EML5: variants seen among roughly 807,000 people sequenced by gnomAD.
EML5 encodes echinoderm microtubule-associated protein-like 5.
Under a neutral mutation model 250.0 loss-of-function variants are expected in EML5, and 120 were observed. The ratio of observed to expected loss-of-function variants is 0.48; its 90% CI spans 0.41 to 0.56. The LOEUF is 0.56. Among genes scored for constraint, EML5 ranks in the 20% least tolerant of loss-of-function variants. The probability of loss-of-function intolerance (pLI) is 0.00; values close to 1 mark genes in which losing one functional copy is unlikely to be tolerated. For missense variants in EML5, 2,006 were observed against 2,437.6 expected (o/e 0.82, Z 3.73); for synonymous variants, 771 against 806.5 (o/e 0.96, Z 0.75).
chr14:88,638,497 T>C (rs1181845871), intron 32 of EML5, among the ~76,000 whole-genome samples: 2 of 152,212 alleles, frequency 1.3e-5, no homozygotes, highest in African/African-American at 4.8e-5. Context: ...TCTTTTCTGC[T>C]TTATATGCTA....
At chr14:88,676,957 T>A (rs558098514) in intron 21 of EML5, among the ~76,000 whole-genome samples, 11 of 152,334 alleles carry the variant, frequency 7.2e-5, no homozygotes, top group African/African-American at 2.4e-4. Context: ...CAGACTGACG[T>A]GCAGTGGCAC....
At position 88,657,512 on chromosome 14, in the gene EML5, A is replaced by G. The variant is rs746422552; in HGVS notation, c.3878-10T>C. 1.3e-6 allele frequency: 2 copies of G among 1,586,742 alleles called. No individual in the cohort carries two copies. Among genetic ancestry groups the G allele is most frequent in the South Asian group, 2.4e-5 (2 of 84,838 alleles). ...ACATCACTGTCATAGCCTACAATAA[A>G]AATATACGAGTAATTCTTTAAGCAA... On this transcript the variant is annotated splice_polypyrimidine_tract_variant and intron_variant, in intron 26 of 43. Transcript: ENST00000554922.
intron 16 of EML5, among the ~76,000 whole-genome samples, chr14:88,695,139 C>T (rs1282508392): frequency 1.3e-5 from 2 of 151,796 alleles, no homozygotes; most frequent in African/African-American, 4.8e-5. Flanking sequence ...ATATCCAATG[C>T]CATATTATAG....
chr14:88,712,579 T>C, intron 9 of EML5, 96 bp from the exon 10 acceptor site: 1 of 932,648 alleles, frequency 1.1e-6, no homozygotes, highest in South Asian at 2.1e-5. Context: ...CAAAATTTAA[T>C]GTATCTTCCC....
At chr14:88,789,943 A>G (rs2094589074) in intron 1 of EML5, among the ~76,000 whole-genome samples, 1 of 152,250 alleles carries the variant, frequency 6.6e-6, no homozygotes, top group Admixed American at 6.5e-5. Flanking sequence ...CTGACTTTTT[A>G]TTACTAAAGC....
chr14:88,682,600 G>A (rs1031227470), intron 20 of EML5, among the ~76,000 whole-genome samples: 1 of 152,032 alleles, frequency 6.6e-6, no homozygotes, highest in Non-Finnish European at 1.5e-5. Context: ...ATGCAACCAA[G>A]AACACTAGGC....
At chr14:88,716,923 TTTTTTAAAACATTCTGAATTAAG>T (rs562215000) in intron 8 of EML5, among the ~76,000 whole-genome samples, 4 of 152,330 alleles carry the variant, frequency 2.6e-5, no homozygotes, top group Admixed American at 1.3e-4. Context: ...AATTTGTTAA[TTTTTTAAAACATTCTGAATTAAG>T]TCTCTGGGAG....
At chr14:88,702,346 C>T in intron 14 of EML5, 100 bp downstream of exon 14, 1 of 862,050 alleles carries the variant, frequency 1.2e-6, no homozygotes, top group Middle Eastern at 2.8e-4. Flanking sequence ...GAATTCTTTA[C>T]TCTTCATATC....
chr14:88,644,529 G>T lies in EML5; in HGVS notation c.4029-18C>A. On this transcript the variant is annotated intron_variant, in intron 29 of 43. Transcript: ENST00000554922. ...CTGGAGGCCTGCAACAGAGAAGTGG[G>T]GAGGAGGAAAGGCATGCAGCACTCA... 6.2e-7 allele frequency: 1 copy of T among 1,612,898 alleles called. No individual in the cohort carries two copies. Among genetic ancestry groups the T allele is most frequent in the East Asian group, 2.2e-5 (1 of 44,800 alleles).
intron 6 of EML5, among the ~76,000 whole-genome samples, chr14:88,738,115 T>G (rs952130985): frequency 3.9e-5 from 6 of 152,148 alleles, no homozygotes; most frequent in Non-Finnish European, 7.4e-5. Flanking sequence ...TCAAATTATT[T>G]TGTAAGCTTT....
rs1192604617 is a variant in EML5, at chr14:88,614,491, T to C, written c.*1327A>G. The C allele has an allele frequency of 6.6e-6, 1 of 152,222 alleles. No individual in the cohort carries two copies. Among genetic ancestry groups the C allele is most frequent in the Admixed American group, 6.5e-5 (1 of 15,280 alleles). 9.4% of individuals were successfully genotyped at this position (152,222 alleles called of 1,614,324 possible). On this transcript the variant is annotated 3_prime_UTR_variant, in exon 44 of 44. Transcript: ENST00000554922. ...AGAAAATAGGTATTAAGAATCTTCA[T>C]ATATCCTGTCAGACCAAATGGGATT... is the stretch of plus-strand genomic sequence containing the variant.
At chr14:88,712,624 T>A in intron 9 of EML5, 141 bp from the exon 10 acceptor site, 1 of 604,266 alleles carries the variant, frequency 1.7e-6, no homozygotes, top group Non-Finnish European at 2.8e-6. Flanking sequence ...AATAGGTAGA[T>A]AAGTTTGGGT....
intron 8 of EML5, among the ~76,000 whole-genome samples, chr14:88,717,741 C>T (rs1453640122): frequency 4.8e-5 from 7 of 146,484 alleles, no homozygotes; most frequent in Non-Finnish European, 7.4e-5. Context: ...GGTGACAGGG[C>T]GAGACTCCGT....
intron 33 of EML5, among the ~76,000 whole-genome samples, chr14:88,628,288 C>CTGAA (rs1300416142): frequency 6.6e-6 from 1 of 151,986 alleles, no homozygotes. Context: ...AGGAAACCAC[C>CTGAA]TGAATAGATC....
chr14:88,728,184 A>G (rs1202902633), intron 7 of EML5, among the ~76,000 whole-genome samples: 1 of 141,702 alleles, frequency 7.1e-6, no homozygotes, highest in Non-Finnish European at 1.5e-5. Context: ...TTGCATCTGT[A>G]CTGAACATGT....
chr14:88,747,230 G>A (rs190063221), intron 2 of EML5, among the ~76,000 whole-genome samples: 109 of 152,146 alleles, frequency 7.2e-4, no homozygotes, highest in Middle Eastern at 3.4e-3. Flanking sequence ...TGGGCAACAC[G>A]TTGAAACCCC....
At chr14:88,769,785 T>C (rs2094368312) in intron 1 of EML5, among the ~76,000 whole-genome samples, 1 of 152,214 alleles carries the variant, frequency 6.6e-6, no homozygotes, top group South Asian at 2.1e-4. Context: ...CTTCAGATTC[T>C]AATCCGAAAC....
chr14:88,699,570 T>C (rs1380914248), intron 14 of EML5, among the ~76,000 whole-genome samples: 1 of 152,152 alleles, frequency 6.6e-6, no homozygotes, highest in East Asian at 1.9e-4. Flanking sequence ...GAAAGATTAC[T>C]AGTGAATGGG....
At chr14:88,765,748 G>A (rs945883601) in intron 1 of EML5, among the ~76,000 whole-genome samples, 1 of 152,108 alleles carries the variant, frequency 6.6e-6, no homozygotes, top group Non-Finnish European at 1.5e-5. Context: ...GAGTCCCCTG[G>A]AGAATTATTT....
Sources: allele counts gnomAD v4.1 joint callset (sites outside exome capture counted in the v4.1 genomes callset), GRCh38; gene constraint gnomAD v4.1.1; transcripts MANE v1.5; gene names NCBI Gene and HGNC (gene_info 2026-07-23, HGNC 2026-07-21).